The following STAG1 variants were observed in gnomAD, a reference collection of about 807,000 sequenced individuals.
STAG1 encodes the protein cohesin subunit SA-1.
In STAG1, 26 loss-of-function variants were observed where a neutral mutation model predicts 170.9. The observed-to-expected ratio is 0.15, with a 90% CI of 0.11 to 0.21. The LOEUF is 0.21. STAG1 is among the 10% of genes least tolerant of loss of function. STAG1 has a pLI of 1.00. For synonymous variants in STAG1, 514 were observed against 497.7 expected, an observed-to-expected ratio of 1.03 and a Z score of -0.44; for missense variants, 964 against 1,509.5, an observed-to-expected ratio of 0.64 and a Z score of 5.99.
At chr3:136,658,131 A>G (rs1175903784) in intron 1 of STAG1, among the ~76,000 whole-genome samples, 1 of 151,242 alleles carries the variant, frequency 6.6e-6, no homozygotes, top group African/African-American at 2.4e-5. Flanking sequence ...TCCAGGTTAC[A>G]CTGAGCTATG....
At chr3:136,676,401 GTAA>G (rs1942130037) in intron 1 of STAG1, among the ~76,000 whole-genome samples, 1 of 151,902 alleles carries the variant, frequency 6.6e-6, no homozygotes, top group Non-Finnish European at 1.5e-5. Flanking sequence ...TGACTCTTTG[GTAA>G]TAACACTCAG....
At chr3:136,589,270 G>A (rs1470337181) in intron 4 of STAG1, among the ~76,000 whole-genome samples, 1 of 152,044 alleles carries the variant, frequency 6.6e-6, no homozygotes, top group Non-Finnish European at 1.5e-5. Context: ...AGGCCAAGGC[G>A]GGCAGATGAC....
chr3:136,493,425 C>T (rs1010911925), intron 9 of STAG1, among the ~76,000 whole-genome samples: 5 of 151,948 alleles, frequency 3.3e-5, no homozygotes, highest in African/African-American at 1.2e-4. Flanking sequence ...GAGGCTAAGG[C>T]AGGTGGATCA....
chr3:136,506,304 G>C (rs1933756762), intron 7 of STAG1, among the ~76,000 whole-genome samples: 1 of 151,996 alleles, frequency 6.6e-6, no homozygotes, highest in East Asian at 1.9e-4. Context: ...GGCAGCAATA[G>C]GTAGAGAGAA....
chr3:136,734,704 G>A (rs1934238124), intron 1 of STAG1, among the ~76,000 whole-genome samples: 1 of 151,902 alleles, frequency 6.6e-6, no homozygotes, highest in South Asian at 2.1e-4. Context: ...GTTGCTTTAG[G>A]GGTGTTTTTT....
intron 1 of STAG1, among the ~76,000 whole-genome samples, chr3:136,688,690 C>T (rs1942622418): frequency 6.6e-6 from 1 of 152,144 alleles, no homozygotes; most frequent in Admixed American, 6.5e-5. Flanking sequence ...CCACGCCTGG[C>T]CAAGAGTATA....
intron 5 of STAG1, among the ~76,000 whole-genome samples, chr3:136,544,946 G>C (rs747303973): frequency 6.6e-6 from 1 of 152,130 alleles, no homozygotes; most frequent in Non-Finnish European, 1.5e-5. Flanking sequence ...CTTTTACAGA[G>C]TGGATTATAG....
At chr3:136,514,231 T>C (rs1934229672) in intron 7 of STAG1, among the ~76,000 whole-genome samples, 1 of 152,162 alleles carries the variant, frequency 6.6e-6, no homozygotes, top group Non-Finnish European at 1.5e-5. Flanking sequence ...GCTTAGCTGT[T>C]CTCTATATTA....
In STAG1 at chr3:136,722,693, CCCACGGTCTCCCTCTCCCTCTCTTT is replaced by C. The variant is rs1221751426; in HGVS notation, c.-84+29477_-84+29501del. ...TCTCCCTCTCCCCCCTTTCCCTCTC[CCCACGGTCTCCCTCTCCCTCTCTTT>C]CCACGGTCTCCCACTGATGCCGAGC... On this transcript the variant is annotated intron_variant, in intron 1 of 33. Transcript: ENST00000383202. 6.0e-3 allele frequency among the ~76,000 whole-genome samples: 897 copies of C among 150,172 alleles called. 9 individuals are homozygous for C. The highest frequency in any genetic ancestry group is 0.021 in the African/African-American group (849 of 40,770).
At chr3:136,370,126 T>C (rs1463752922) in intron 23 of STAG1, among the ~76,000 whole-genome samples, 2 of 152,102 alleles carry the variant, frequency 1.3e-5, no homozygotes, top group Non-Finnish European at 2.9e-5. Flanking sequence ...TTAATCATGA[T>C]TTTAGAGTGT....
intron 5 of STAG1, among the ~76,000 whole-genome samples, chr3:136,560,415 C>T (rs531261041): frequency 6.6e-6 from 1 of 152,256 alleles, no homozygotes; most frequent in Admixed American, 6.5e-5. Context: ...ATATGGAGAA[C>T]ATATCTTCAT....
intron 11 of STAG1, among the ~76,000 whole-genome samples, chr3:136,472,883 C>A (rs1559825189): frequency 6.6e-6 from 1 of 152,068 alleles, no homozygotes; most frequent in Non-Finnish European, 1.5e-5. Context: ...ATTTAAAGAA[C>A]ATGTAGTAAA....
At chr3:136,466,943 A>T (rs1037108199) in intron 12 of STAG1, among the ~76,000 whole-genome samples, 8 of 152,312 alleles carry the variant, frequency 5.3e-5, no homozygotes, top group Admixed American at 4.6e-4. Flanking sequence ...CTTTAGAGAC[A>T]AACAAATGCT....
intron 4 of STAG1, among the ~76,000 whole-genome samples, chr3:136,572,192 GA>G (rs1937285415): frequency 6.6e-6 from 1 of 152,076 alleles, no homozygotes; most frequent in Non-Finnish European, 1.5e-5. Context: ...TCCAGCCTAG[GA>G]AACAGAGCAA....
intron 7 of STAG1, among the ~76,000 whole-genome samples, chr3:136,503,301 T>C (rs1231221538): frequency 6.6e-6 from 1 of 152,188 alleles, no homozygotes; most frequent in African/African-American, 2.4e-5. Context: ...CTGAAAAACA[T>C]ACTAATCCTA....
At chr3:136,662,649 T>C (rs1332161149) in intron 1 of STAG1, among the ~76,000 whole-genome samples, 1 of 152,142 alleles carries the variant, frequency 6.6e-6, no homozygotes, top group East Asian at 1.9e-4. Flanking sequence ...CTTACCATGT[T>C]GCCCAGTCTG....
Position 136,538,189 on chromosome 3 carries a change from C to T in STAG1, c.471+3930G>A, listed in dbSNP as rs372516649. ...TATCTGTCCATTAAAATTACTTTTA[C>T]ACAAATAATGATAGCGCAATACTAT... is the stretch of plus-strand genomic sequence containing the variant. On this transcript the variant is annotated intron_variant, in intron 6 of 33. Coordinates refer to ENST00000383202, the MANE Select transcript of STAG1 (RefSeq NM_005862.3). Among the ~76,000 whole-genome samples the T allele has an allele frequency of 7.9e-5, 12 of 152,096 alleles. No individual in the cohort carries two copies. The East Asian group carries it at 1.9e-3, about 25-fold the overall frequency.
chr3:136,564,205 T>A (rs1936966104), intron 5 of STAG1, among the ~76,000 whole-genome samples: 1 of 152,238 alleles, frequency 6.6e-6, no homozygotes, highest in South Asian at 2.1e-4. Flanking sequence ...TAATTTTGTG[T>A]ACCTATTTTC....
At chr3:136,544,313 A>C (rs1416127837) in intron 5 of STAG1, among the ~76,000 whole-genome samples, 1 of 152,144 alleles carries the variant, frequency 6.6e-6, no homozygotes, top group Non-Finnish European at 1.5e-5. Flanking sequence ...CTCCTCCTCT[A>C]TTCTATGATG....
Sources: allele counts gnomAD v4.1 joint callset (sites outside exome capture counted in the v4.1 genomes callset), GRCh38; gene constraint gnomAD v4.1.1; transcripts MANE v1.5; gene names NCBI Gene and HGNC (gene_info 2026-07-23, HGNC 2026-07-21).